Variants in MEIG1 observed in about 807,000 individuals in gnomAD.
MEIG1 encodes meiosis/spermiogenesis associated 1, also known as meiosis expressed gene 1 protein homolog.
Under a neutral mutation model 11.3 loss-of-function variants are expected in MEIG1, and 12 were observed. That is an observed-to-expected ratio of 1.07 (90% CI 0.68 to 1.73). The LOEUF (loss-of-function observed/expected upper bound fraction) is 1.73. Among genes scored for constraint, MEIG1 ranks in the 40% most tolerant of loss-of-function variants. MEIG1 has a pLI of 0.00. For missense variants in MEIG1, 119 were observed against 104.9 expected, an observed-to-expected ratio of 1.13 and a Z score of -0.59; for synonymous variants, 41 against 33.2, an observed-to-expected ratio of 1.24 and a Z score of -0.81.
intron 1 of MEIG1, among the ~76,000 whole-genome samples, chr10:14,960,284 T>G (rs1842997369): frequency 6.6e-6 from 1 of 152,216 alleles, no homozygotes; most frequent in Non-Finnish European, 1.5e-5. Context: ...TCTTGAAGTT[T>G]TAATACTACT....
upstream of MEIG1, among the ~76,000 whole-genome samples, chr10:14,956,696 C>T (rs1842957026): frequency 6.6e-6 from 1 of 152,172 alleles, no homozygotes; most frequent in Admixed American, 6.6e-5. Flanking sequence ...ATTCATTCAG[C>T]AAATCATTCA....
chr10:14,959,738 G>T (rs1280906418), intron 1 of MEIG1, among the ~76,000 whole-genome samples, 181 bp downstream of exon 1: 1 of 152,252 alleles, frequency 6.6e-6, no homozygotes, highest in Non-Finnish European at 1.5e-5. Context: ...AGGGAAGAGG[G>T]TCACTATTTG....
intron 1 of MEIG1, among the ~76,000 whole-genome samples, chr10:14,966,063 A>ATTTTTT (rs1554805988): frequency 6.9e-5 from 4 of 58,092 alleles, no homozygotes; most frequent in Admixed American, 2.1e-4. Context: ...AGTTTTATTT[A>ATTTTTT]TTCTTTTTTT....
chr10:14,957,497 G>A (rs116212858), upstream of MEIG1, among the ~76,000 whole-genome samples: 622 of 152,358 alleles, frequency 4.1e-3, no homozygotes, highest in African/African-American at 0.015. Context: ...CGGGGCTACA[G>A]AGGAAGGAGG....
intron 1 of MEIG1, among the ~76,000 whole-genome samples, chr10:14,985,454 C>T (rs1843309590): frequency 6.6e-6 from 1 of 152,000 alleles, no homozygotes; most frequent in Non-Finnish European, 1.5e-5. Context: ...ATGGGATGTA[C>T]TCCATCATAT....
downstream of MEIG1, among the ~76,000 whole-genome samples, chr10:14,973,019 C>A (rs1194337149): frequency 6.6e-6 from 1 of 152,076 alleles, no homozygotes; most frequent in African/African-American, 2.4e-5. Context: ...GTGTGCACTA[C>A]CATACCCATC....
At chr10:14,962,763 T>A (rs10906783) in intron 1 of MEIG1, among the ~76,000 whole-genome samples, 195 of 147,066 alleles carry the variant, frequency 1.3e-3, no homozygotes, top group African/African-American at 4.6e-3. Context: ...TAATTTGGAA[T>A]TTTTTTTTTT....
At chr10:14,985,525 A>G (rs1391784101) in intron 1 of MEIG1, among the ~76,000 whole-genome samples, 1 of 151,916 alleles carries the variant, frequency 6.6e-6, no homozygotes, top group African/African-American at 2.4e-5. Context: ...TGTCATACGT[A>G]TTCAATGCTT....
chr10:14,963,915 A>C (rs1333658446), intron 1 of MEIG1, among the ~76,000 whole-genome samples: 4 of 152,208 alleles, frequency 2.6e-5, no homozygotes, highest in Middle Eastern at 3.4e-3. Context: ...TGGCTAACAC[A>C]GTGAAACCCC....
intron 2 of MEIG1, among the ~76,000 whole-genome samples, chr10:14,966,988 C>T (rs1843092402): frequency 6.6e-6 from 1 of 152,152 alleles, no homozygotes. Flanking sequence ...CGCGCCTAAG[C>T]CTTCCAGAGT....
chr10:14,956,728 G>A (rs139630290), upstream of MEIG1, among the ~76,000 whole-genome samples: 1 of 152,280 alleles, frequency 6.6e-6, no homozygotes, highest in East Asian at 1.9e-4. Flanking sequence ...CTGTGTATCA[G>A]ACACTATTTT....
intron 1 of MEIG1, among the ~76,000 whole-genome samples, chr10:14,980,481 G>T (rs565180892): frequency 1.3e-5 from 2 of 152,204 alleles, no homozygotes; most frequent in African/African-American, 4.8e-5. Flanking sequence ...TATCGCAGGG[G>T]CTGTACACCT....
intron 1 of MEIG1, among the ~76,000 whole-genome samples, chr10:14,964,715 T>C (rs1843059450): frequency 7.1e-6 from 1 of 141,346 alleles, no homozygotes; most frequent in Admixed American, 7.8e-5. Context: ...CCTCCTGGGT[T>C]TCAAGCGATT....
At chr10:14,974,288 TC>T (rs1843187718), downstream of MEIG1, among the ~76,000 whole-genome samples, 1 of 152,126 alleles carries the variant, frequency 6.6e-6, no homozygotes, top group South Asian at 2.1e-4. Context: ...TCTCCGCCTT[TC>T]ATCTCTGTTA....
chr10:14,972,721 GA>G lies in MEIG1; in HGVS notation c.*83del. The stretch of plus-strand genomic sequence containing the variant: ...CTACATCATGTGTTTGTCATTTGAT[GA>G]AATAATTCAAGATGCAGTCTGCAGT... On this transcript the variant is annotated 3_prime_UTR_variant, in exon 3 of 3. Transcript: ENST00000407572. 1 of 1,324,148 alleles carries G rather than the reference GA, an allele frequency of 7.6e-7. No individual in the cohort carries two copies. Among genetic ancestry groups the G allele is most frequent in the Non-Finnish European group, 1.0e-6 (1 of 984,802 alleles). 82.0% of individuals were successfully genotyped at this position (1,324,148 alleles called of 1,614,324 possible). A position where few individuals can be genotyped will look rare whatever the true frequency, so the allele number is the denominator to read the frequency against.
intron 2 of MEIG1, among the ~76,000 whole-genome samples, chr10:14,971,229 A>ATAATAATAATAG (rs1332826191): frequency 1.3e-5 from 2 of 149,384 alleles, no homozygotes; most frequent in Non-Finnish European, 3.0e-5. Flanking sequence ...AATAATAATA[A>ATAATAATAATAG]TAATAATAAC....
chr10:14,980,036 G>A (rs925376985), intron 1 of MEIG1, among the ~76,000 whole-genome samples: 4 of 151,494 alleles, frequency 2.6e-5, no homozygotes, highest in Admixed American at 6.6e-5. Context: ...TCCTAATGTC[G>A]CAAATGTGTG....
At chr10:14,972,461 A>G (rs1196226225) in intron 2 of MEIG1, 52 bp from the exon 3 acceptor site, 1 of 1,610,774 alleles carries the variant, frequency 6.2e-7, no homozygotes, top group Non-Finnish European at 8.5e-7. Flanking sequence ...AAAATATGAG[A>G]TAAAAATCAA....
intron 1 of MEIG1, among the ~76,000 whole-genome samples, chr10:14,960,128 C>T (rs923538865): frequency 3.7e-5 from 4 of 108,994 alleles, no homozygotes; most frequent in African/African-American, 1.4e-4. Context: ...CCGGCTAATG[C>T]TTCTCTTTAA....
Sources: allele counts gnomAD v4.1 joint callset (sites outside exome capture counted in the v4.1 genomes callset), GRCh38; gene constraint gnomAD v4.1.1; transcripts MANE v1.5; gene names NCBI Gene and HGNC (gene_info 2026-07-23, HGNC 2026-07-21).